The following CCDC178 variants were observed in gnomAD, a reference collection of about 807,000 sequenced individuals.
CCDC178 encodes the protein coiled-coil domain-containing protein 178.
CCDC178 carries 126 observed loss-of-function variants against 117.4 expected under a neutral mutation model. The ratio of observed to expected loss-of-function variants is 1.07; its 90% confidence interval spans 0.93 to 1.24. The LOEUF is 1.24. Ranked by LOEUF, CCDC178 falls within the 50% of genes most tolerant of loss-of-function variation. The pLI, the probability that CCDC178 is intolerant of heterozygous loss-of-function variation, is 0.00. For synonymous variants in CCDC178, 283 were observed against 313.4 expected, an observed-to-expected ratio of 0.90 and a Z score of 1.02; for missense variants, 1,030 against 986.9, an observed-to-expected ratio of 1.04 and a Z score of -0.59.
At chr18:33,043,820 A>G (rs1331474311) in intron 21 of CCDC178, among the ~76,000 whole-genome samples, 1 of 151,978 alleles carries the variant, frequency 6.6e-6, no homozygotes, top group East Asian at 1.9e-4. Context: ...AGCAAATTAC[A>G]TACTCTAATC....
chr18:33,095,691 A>G (rs868363069), intron 20 of CCDC178, among the ~76,000 whole-genome samples: 2 of 151,940 alleles, frequency 1.3e-5, no homozygotes, highest in Admixed American at 6.6e-5. Flanking sequence ...ACTTCTATGA[A>G]GTAACTGATT....
chr18:33,035,317 G>A (rs2056423142), intron 21 of CCDC178, among the ~76,000 whole-genome samples: 1 of 151,942 alleles, frequency 6.6e-6, no homozygotes, highest in African/African-American at 2.4e-5. Flanking sequence ...AAGTGGAATG[G>A]TTTGGCCAAA....
chr18:33,239,148 CAAT>C (rs2059457911), intron 15 of CCDC178, among the ~76,000 whole-genome samples: 1 of 151,972 alleles, frequency 6.6e-6, no homozygotes, highest in Admixed American at 6.6e-5. Context: ...GGTGAAAAAA[CAAT>C]AACTATCAGG....
intron 2 of CCDC178, among the ~76,000 whole-genome samples, chr18:33,414,716 A>C (rs1197223509): frequency 6.6e-6 from 1 of 152,216 alleles, no homozygotes; most frequent in African/African-American, 2.4e-5. Context: ...TAATTAAACT[A>C]AAGAGTTTCT....
At chr18:32,961,727 T>A (rs1489994203) in intron 22 of CCDC178, among the ~76,000 whole-genome samples, 1 of 152,120 alleles carries the variant, frequency 6.6e-6, no homozygotes, top group African/African-American at 2.4e-5. Context: ...GATAATCTAA[T>A]GCTGCCATTG....
chr18:33,272,744 A>C (rs1451702544), intron 12 of CCDC178, among the ~76,000 whole-genome samples: 1 of 151,610 alleles, frequency 6.6e-6, no homozygotes, highest in African/African-American at 2.4e-5. Flanking sequence ...TCTACATGTA[A>C]AAATCAGTAA....
intron 22 of CCDC178, among the ~76,000 whole-genome samples, chr18:32,946,613 C>T (rs17814477): frequency 0.018 from 2,678 of 151,730 alleles, 177 homozygotes; most frequent in Admixed American, 0.12. Context: ...GAACCTAGTC[C>T]GGTGCATGGT....
chr18:33,102,300 T>C (rs904934869), intron 20 of CCDC178, among the ~76,000 whole-genome samples: 2 of 151,706 alleles, frequency 1.3e-5, no homozygotes, highest in Non-Finnish European at 2.9e-5. Flanking sequence ...CCTCCTAATC[T>C]TGGGTATGAA....
rs186212774 is a variant in CCDC178, at chr18:33,185,927, C to A, written c.2238+25969G>T. The stretch of plus-strand genomic sequence containing the variant: ...GGGTATTGTTTGAAAGAAAAAAAAA[C>A]CACTACACTACCACTACCAACACCA... On this transcript the variant is annotated intron_variant, in intron 20 of 22. Transcript: ENST00000383096. Among the ~76,000 whole-genome samples, 390 of 151,924 alleles carry A rather than the reference C, an allele frequency of 2.6e-3. 20 individuals carry two copies. The East Asian group carries it at 0.059, about 23-fold the overall frequency.
chr18:32,942,113 A>G (rs1018736648), intron 22 of CCDC178, among the ~76,000 whole-genome samples: 1 of 152,074 alleles, frequency 6.6e-6, no homozygotes. Context: ...CTTTTCTCCT[A>G]ATGTAGTAAA....
intron 5 of CCDC178, among the ~76,000 whole-genome samples, chr18:33,378,751 A>G (rs1381512322): frequency 6.6e-6 from 1 of 152,126 alleles, no homozygotes; most frequent in Admixed American, 6.6e-5. Flanking sequence ...TGATTTGTAT[A>G]TGTTGAACCA....
chr18:33,087,566 T>TTGTG (rs57033642), intron 21 of CCDC178, among the ~76,000 whole-genome samples: 6,401 of 146,048 alleles, frequency 0.044, 350 homozygotes, highest in African/African-American at 0.13. Context: ...CCAAAGCCAT[T>TTGTG]TGTGTGTGTG....
chr18:33,174,076 G>T (rs1257987198), intron 20 of CCDC178, among the ~76,000 whole-genome samples: 1 of 152,160 alleles, frequency 6.6e-6, no homozygotes, highest in East Asian at 1.9e-4. Context: ...GAAGCACAGT[G>T]GCATCTGCTT....
intron 22 of CCDC178, among the ~76,000 whole-genome samples, chr18:32,971,256 G>A (rs1335003764): frequency 6.6e-6 from 1 of 151,296 alleles, no homozygotes; most frequent in Non-Finnish European, 1.5e-5. Context: ...TCCCACTTAT[G>A]AGTGATAACA....
intron 20 of CCDC178, among the ~76,000 whole-genome samples, chr18:33,179,526 G>T (rs72945372): frequency 0.011 from 1,744 of 151,872 alleles, 16 homozygotes; most frequent in Non-Finnish European, 0.018. Context: ...TATAACCCAA[G>T]TATAATTTTA....
At chr18:33,047,813 C>T (rs1042715372) in intron 21 of CCDC178, among the ~76,000 whole-genome samples, 8 of 152,044 alleles carry the variant, frequency 5.3e-5, no homozygotes, top group Admixed American at 3.9e-4. Flanking sequence ...TGTTCTAAGT[C>T]GAGTGATTTG....
chr18:33,172,120 GGC>G (rs1267983065), intron 20 of CCDC178, among the ~76,000 whole-genome samples: 1 of 152,100 alleles, frequency 6.6e-6, no homozygotes, highest in East Asian at 1.9e-4. Flanking sequence ...ATGTTGATCA[GGC>G]TGGTCTCGAC....
chr18:33,311,209 C>T (rs2062337412), intron 11 of CCDC178, among the ~76,000 whole-genome samples: 1 of 152,152 alleles, frequency 6.6e-6, no homozygotes, highest in African/African-American at 2.4e-5. Flanking sequence ...AAACTGTTCT[C>T]TAACAGACTT....
chr18:33,151,295 G>A (rs1027958784), intron 20 of CCDC178, among the ~76,000 whole-genome samples: 18 of 151,956 alleles, frequency 1.2e-4, no homozygotes, highest in Non-Finnish European at 1.9e-4. Flanking sequence ...AAAAAATTAG[G>A]TGGGTGTGGT....
Sources: gnomAD v4.1 joint callset for allele counts (sites outside exome capture counted in the v4.1 genomes callset) on GRCh38, gnomAD v4.1.1 for gene constraint, MANE v1.5 for transcripts, NCBI Gene and HGNC (gene_info 2026-07-23, HGNC 2026-07-21) for gene names.